CYP3A4: variants seen among roughly 807,000 people sequenced by gnomAD.
The protein encoded by CYP3A4 is cytochrome P450 3A4.
A neutral mutation model predicts 54.9 loss-of-function variants in CYP3A4; 41 were observed. The ratio of observed to expected loss-of-function variants is 0.75; its 90% CI spans 0.58 to 0.97. The LOEUF (loss-of-function observed/expected upper bound fraction) is 0.97, where lower values mean the gene tolerates loss of function less well. Ranked by LOEUF, CYP3A4 falls within the 50% of genes least tolerant of loss-of-function variation. CYP3A4 has a pLI of 0.00. For synonymous variants in CYP3A4, 179 were observed against 205.2 expected, an observed-to-expected ratio of 0.87 and a Z score of 1.09; for missense variants, 510 against 597.3, an observed-to-expected ratio of 0.85 and a Z score of 1.52.
Position 99,772,724 on chromosome 7 carries a change from C to T in CYP3A4, c.219-35G>A, listed in dbSNP as rs201860106. The T allele has an allele frequency of 6.8e-6, 11 of 1,608,432 alleles. No homozygotes were observed. The African/African-American group carries it at 8.0e-5, about 12-fold the overall frequency. ...AAAAACAGAGTTGATTAAACATCAA[C>T]AGCCTTATTCTACAGCTGGAGCCCA... On this transcript the variant is annotated intron_variant, in intron 3 of 12. Transcript: ENST00000651514.
intron 2 of CYP3A4, among the ~76,000 whole-genome samples, chr7:99,779,483 G>A (rs1815858536): frequency 6.6e-6 from 1 of 152,138 alleles, no homozygotes; most frequent in Non-Finnish European, 1.5e-5. Context: ...GATTGAAGCA[G>A]GTGCAAATGA....
In CYP3A4 at chr7:99,768,459, A is replaced by G. The variant is rs754645520; in HGVS notation, c.565T>C (p.Phe189Leu). 4.6e-5 allele frequency: 74 copies of G among 1,613,944 alleles called. No individual in the cohort carries two copies. The highest frequency in any genetic ancestry group is 2.4e-5 in the Non-Finnish European group (28 of 1,179,962). Residue 189 changes from phenylalanine to leucine, a missense_variant, in exon 7 of 13, where the codon TTT becomes CTT. Physicochemically the swap from Phe to Leu is conservative, Grantham distance 22. Around this residue, in one of 2 missense-constraint regions of CYP3A4, gnomAD observed 272 missense variants for 274.9 expected, o/e 0.99. Coordinates refer to ENST00000651514, the MANE Select transcript of CYP3A4 (RefSeq NM_017460.6). ...TTGAGAGAGTCGATGTTCACTCCAA[A>G]TGATGTGCTAGTGATCACATCCATG... ...YSMDVITSTS[F>L]GVNIDSLNNP...
intron 12 of CYP3A4, among the ~76,000 whole-genome samples, chr7:99,760,001 A>G (rs1815276739): frequency 6.6e-6 from 1 of 151,972 alleles, no homozygotes; most frequent in Admixed American, 6.6e-5. Flanking sequence ...TCTCCAGGGT[A>G]ATTTTTTGTA....
rs1815533260 is a variant in CYP3A4 at position 99,768,433 on chromosome 7, G to A, written c.591C>T (p.Asn197=). 1.2e-6 allele frequency: 2 copies of A among 1,614,110 alleles called. No individual in the cohort carries two copies. Among genetic ancestry groups the A allele is most frequent in the Non-Finnish European group, 1.7e-6 (2 of 1,179,970 alleles). Residue 197 remains asparagine, a synonymous_variant, in exon 7 of 13, where the codon AAC becomes AAT. Transcript: ENST00000651514. The stretch of plus-strand genomic sequence containing the variant: ...TTTCCACAAAGGGGTCTTGTGGATT[G>A]TTGAGAGAGTCGATGTTCACTCCAA... The part of the protein sequence containing the change: ...TSFGVNIDSL[N]NPQDPFVENT...
intron 12 of CYP3A4, 115 bp downstream of exon 12, chr7:99,760,704 G>T: frequency 7.4e-7 from 1 of 1,358,822 alleles, no homozygotes; most frequent in Non-Finnish European, 1.0e-6. Context: ...TTGATTCTTT[G>T]GCCCAGAGAA....
Position 99,767,261 on chromosome 7 carries a change from G to A in CYP3A4, c.671-3C>T, listed in dbSNP as rs746684076. 7.0e-6 allele frequency: 11 copies of A among 1,568,326 alleles called. No homozygotes were observed. Among genetic ancestry groups the A allele is most frequent in the Non-Finnish European group, 8.6e-6 (10 of 1,164,850 alleles). On this transcript the variant is annotated splice_polypyrimidine_tract_variant and splice_region_variant and intron_variant, in intron 7 of 12. Coordinates refer to ENST00000651514, the MANE Select transcript of CYP3A4 (RefSeq NM_017460.6). ...TGGGATGAGGAATGGAAAGACTGCT[G>A]TAGGAAAAACAAAACAAAAACAGAA...
At position 99,770,103 on chromosome 7, in the gene CYP3A4, A is replaced by G; in HGVS notation, c.432+19T>C. 1 of 1,598,412 alleles carries G rather than the reference A, an allele frequency of 6.3e-7. No individual in the cohort carries two copies. The highest frequency in any genetic ancestry group is 8.6e-7 in the Non-Finnish European group (1 of 1,166,208). The stretch of plus-strand genomic sequence containing the variant: ...TTCATTCTTTAAGTTTCTTATTAAA[A>G]CTCATGTTATTTTCATACCTCCTTG... On this transcript the variant is annotated intron_variant, in intron 5 of 12. Transcript: ENST00000651514.
chr7:99,776,520 C>A lies in CYP3A4; in HGVS notation c.218+1508G>T, dbSNP rs547170066. ...GGAATACTATGCAGCCATAAAAAAA[C>A]AATGAGTTCATGTCCTTTGCAGGGA... On this transcript the variant is annotated intron_variant, in intron 3 of 12. Transcript: ENST00000651514. Among the ~76,000 whole-genome samples, 4 of 152,188 alleles carry A rather than the reference C, an allele frequency of 2.6e-5. No homozygotes were observed. In the East Asian group the frequency reaches 5.8e-4, roughly 22 times the overall value.
In CYP3A4 at chr7:99,784,035, G is replaced by C; in HGVS notation, c.47C>G (p.Ala16Gly). 6.2e-7 allele frequency: 1 copy of C among 1,614,100 alleles called. No homozygotes were observed. The highest frequency in any genetic ancestry group is 1.1e-5 in the South Asian group (1 of 91,084). Residue 16 changes from alanine to glycine, a missense_variant, in exon 1 of 13, where the codon GCT becomes GGT. This residue lies in a region of CYP3A4 where 272 missense variants were observed against 274.9 expected (regional missense o/e 0.99). Coordinates refer to ENST00000651514, the MANE Select transcript of CYP3A4 (RefSeq NM_017460.6). ...DLAMETWLLL[A>G]VSLVLLYLYG... ...CAGATAGAGGAGCACCAGGCTGACA[G>C]CCAGGAGAAGCCAGGTTTCCATGGC...
chr7:99,770,588 G>A (rs761481052), intron 4 of CYP3A4, among the ~76,000 whole-genome samples: 4 of 151,924 alleles, frequency 2.6e-5, no homozygotes, highest in Non-Finnish European at 4.4e-5. Context: ...GTGTAGAGAC[G>A]GAGTGGAGAC....
intron 3 of CYP3A4, among the ~76,000 whole-genome samples, chr7:99,775,507 G>T (rs1815745190): frequency 6.6e-6 from 1 of 152,080 alleles, no homozygotes; most frequent in Non-Finnish European, 1.5e-5. Context: ...TAGATCAATG[G>T]AACAGAACAG....
intron 6 of CYP3A4, among the ~76,000 whole-genome samples, chr7:99,769,357 A>G (rs1387840936): frequency 6.6e-6 from 1 of 152,190 alleles, no homozygotes; most frequent in Non-Finnish European, 1.5e-5. Flanking sequence ...TGAAATGATC[A>G]AAGTTATTCT....
At chr7:99,766,545 T>C (rs1815482218) in intron 8 of CYP3A4, 102 bp from the exon 9 acceptor site, 1 of 1,418,682 alleles carries the variant, frequency 7.0e-7, no homozygotes, top group Non-Finnish European at 9.8e-7. Context: ...ATATGGCTCC[T>C]TGAAGACCAG....
rs1187089111 is a variant in CYP3A4, at chr7:99,757,174, A to G, written c.*959T>C. 2 of 152,186 alleles carry G rather than the reference A, an allele frequency of 1.3e-5. No homozygotes were observed. Among genetic ancestry groups the G allele is most frequent in the Non-Finnish European group, 2.9e-5 (2 of 68,030 alleles). 9.4% of individuals were successfully genotyped at this position (152,186 alleles called of 1,614,324 possible). A position where few individuals can be genotyped will look rare whatever the true frequency, so the allele number is the denominator to read the frequency against. On this transcript the variant is annotated 3_prime_UTR_variant, in exon 13 of 13. Coordinates refer to ENST00000651514, the MANE Select transcript of CYP3A4 (RefSeq NM_017460.6). ...TTTGTTACAAAATGTACGTGCTTCAAAAAGGCATATTTTTTTAAGACTGAG... is the reference window on the plus strand; with the variant it reads ...TTTGTTACAAAATGTACGTGCTTCAGAAAGGCATATTTTTTTAAGACTGAG...
At position 99,757,972 on chromosome 7, in the gene CYP3A4, A is replaced by G; in HGVS notation, c.*161T>C. 1.6e-6 allele frequency: 1 copy of G among 627,838 alleles called. No individual in the cohort carries two copies. The highest frequency in any genetic ancestry group is 2.8e-6 in the Non-Finnish European group (1 of 354,046). 38.9% of individuals were successfully genotyped at this position (627,838 alleles called of 1,614,324 possible). ...CCAAGTATAACACTCTACACAGACA[A>G]TGAGAGAGCTCAATGCATGTACAGA... is the stretch of plus-strand genomic sequence containing the variant. On this transcript the variant is annotated 3_prime_UTR_variant, in exon 13 of 13. Transcript: ENST00000651514.
intron 4 of CYP3A4, among the ~76,000 whole-genome samples, chr7:99,770,896 C>T (rs972671663): frequency 1.3e-5 from 2 of 152,042 alleles, no homozygotes; most frequent in African/African-American, 4.8e-5. Flanking sequence ...TCTTCCATAG[C>T]CATTTTTTTT....
intron 3 of CYP3A4, among the ~76,000 whole-genome samples, chr7:99,773,345 C>T (rs1407629512): frequency 6.6e-6 from 1 of 152,104 alleles, no homozygotes; most frequent in Non-Finnish European, 1.5e-5. Flanking sequence ...ACCAAGAGGA[C>T]CTAATAGACA....
chr7:99,761,276 A>G (rs1815319782), intron 11 of CYP3A4, among the ~76,000 whole-genome samples: 1 of 152,238 alleles, frequency 6.6e-6, no homozygotes, highest in African/African-American at 2.4e-5. Context: ...TGATGTGTCC[A>G]CACTATAAAA....
At chr7:99,781,269 C>G (rs1584551280) in intron 1 of CYP3A4, among the ~76,000 whole-genome samples, 1 of 152,210 alleles carries the variant, frequency 6.6e-6, no homozygotes, top group Non-Finnish European at 1.5e-5. Context: ...GCTTTCTGTA[C>G]AGCCTGCAGA....
Sources: allele counts gnomAD v4.1 joint callset (sites outside exome capture counted in the v4.1 genomes callset), GRCh38; gene constraint gnomAD v4.1.1; regional missense constraint gnomAD v4.1.1; transcripts MANE v1.5; gene names NCBI Gene and HGNC (gene_info 2026-07-23, HGNC 2026-07-21).